Variants in SLC6A5 observed in about 807,000 individuals in gnomAD.
SLC6A5 encodes the protein sodium- and chloride-dependent glycine transporter 2.
A neutral mutation model predicts 90.5 loss-of-function variants in SLC6A5; 58 were observed. The ratio of observed to expected loss-of-function variants is 0.64; its 90% CI spans 0.52 to 0.80. SLC6A5 has a LOEUF of 0.80. Among genes scored for constraint, SLC6A5 ranks in the 30% least tolerant of loss-of-function variants. The probability of loss-of-function intolerance (pLI) is 0.00; values close to 1 mark genes in which losing one functional copy is unlikely to be tolerated. For missense variants in SLC6A5, 1,015 were observed against 1,017.6 expected (o/e 1.00, Z 0.03); for synonymous variants, 427 against 401.4 (o/e 1.06, Z -0.76).
At chr11:20,627,417 C>A (rs1853018320) in intron 8 of SLC6A5, among the ~76,000 whole-genome samples, 1 of 152,108 alleles carries the variant, frequency 6.6e-6, no homozygotes, top group Non-Finnish European at 1.5e-5. Flanking sequence ...GAAAACTCTG[C>A]TTTTCCAGGA....
At chr11:20,632,656 C>G (rs1341163434) in intron 10 of SLC6A5, among the ~76,000 whole-genome samples, 1 of 152,134 alleles carries the variant, frequency 6.6e-6, no homozygotes, top group East Asian at 1.9e-4. Context: ...TCATCTGAAC[C>G]TGGATGTATT....
rs1171406899 is a variant in SLC6A5, at chr11:20,601,028, T to C, written c.4-101T>C. The stretch of plus-strand genomic sequence containing the variant: ...AGATTCCAATTTGCTTCCCCAGATA[T>C]TGTGTCTGGACCTGAGTTGCGAACG... On this transcript the variant is annotated intron_variant, in intron 1 of 15. Transcript: ENST00000525748. 7 of 1,180,168 alleles carry C rather than the reference T, an allele frequency of 5.9e-6. No individual in the cohort carries two copies. In the African/African-American group the frequency reaches 6.3e-5, roughly 11 times the overall value. 73.1% of individuals were successfully genotyped at this position (1,180,168 alleles called of 1,614,324 possible). A position where few individuals can be genotyped will look rare whatever the true frequency, so the allele number is the denominator to read the frequency against.
intron 13 of SLC6A5, among the ~76,000 whole-genome samples, chr11:20,639,257 A>G (rs1245103710): frequency 1.3e-5 from 2 of 152,072 alleles, no homozygotes; most frequent in South Asian, 2.1e-4. Flanking sequence ...GGTGAGTTCA[A>G]GAAAGTCCTA....
At chr11:20,634,981 C>A (rs1172112088) in intron 10 of SLC6A5, among the ~76,000 whole-genome samples, 3 of 152,116 alleles carry the variant, frequency 2.0e-5, no homozygotes, top group Non-Finnish European at 2.9e-5. Context: ...TTACAGTAAT[C>A]TTCCCAGTGA....
rs1206538974 is a variant in SLC6A5, at chr11:20,655,484, C to T, written c.*616C>T. On this transcript the variant is annotated 3_prime_UTR_variant, in exon 16 of 16. Coordinates refer to ENST00000525748, the MANE Select transcript of SLC6A5 (RefSeq NM_004211.5). ...TTGGATCAGCAATCTCCAGTTACCA[C>T]TAACTCAGATGCTACAGTCTACACA... The T allele has an allele frequency of 6.3e-6, 1 of 158,166 alleles. No individual in the cohort carries two copies. Among genetic ancestry groups the T allele is most frequent in the Non-Finnish European group, 1.4e-5 (1 of 71,008 alleles). 9.8% of individuals were successfully genotyped at this position (158,166 alleles called of 1,614,324 possible).
chr11:20,607,095 C>A lies in SLC6A5; in HGVS notation c.768C>A (p.Ser256Arg). The change falls in exon 4 of 16, where the codon AGC (serine) becomes AGA (arginine). Residue 256 changes from serine (S) to arginine (R), a missense_variant. Coordinates refer to ENST00000525748, the MANE Select transcript of SLC6A5 (RefSeq NM_004211.5). ...AGGTGTCGCTGGGCCAGTTTGCCAGCCAGGGACCAGTGTCTGTGTGGAAGG... is the reference window on the plus strand; with the variant it reads ...AGGTGTCGCTGGGCCAGTTTGCCAGACAGGGACCAGTGTCTGTGTGGAAGG... ...FLEVSLGQFA[S>R]QGPVSVWKAI... 5 of 1,614,126 alleles carry A rather than the reference C, an allele frequency of 3.1e-6. No homozygotes were observed. Among genetic ancestry groups the A allele is most frequent in the South Asian group, 1.1e-5 (1 of 91,086 alleles).
intron 15 of SLC6A5, among the ~76,000 whole-genome samples, chr11:20,653,250 T>G (rs919440912): frequency 1.3e-5 from 2 of 152,204 alleles, no homozygotes; most frequent in Admixed American, 1.3e-4. Flanking sequence ...GGTTTGCTCC[T>G]GAGACCAGCA....
At chr11:20,633,811 G>C (rs186726534) in intron 10 of SLC6A5, among the ~76,000 whole-genome samples, 366 of 152,284 alleles carry the variant, frequency 2.4e-3, no homozygotes, top group Non-Finnish European at 4.4e-3. Context: ...AGAAACTAAA[G>C]TTTGTCTAGA....
At chr11:20,629,954 C>T (rs898612131) in intron 9 of SLC6A5, among the ~76,000 whole-genome samples, 1 of 152,100 alleles carries the variant, frequency 6.6e-6, no homozygotes, top group African/African-American at 2.4e-5. Flanking sequence ...AACTCCTGAC[C>T]TCAGGTGATC....
At chr11:20,645,512 T>G (rs1395541264) in intron 13 of SLC6A5, among the ~76,000 whole-genome samples, 1 of 151,880 alleles carries the variant, frequency 6.6e-6, no homozygotes, top group Non-Finnish European at 1.5e-5. Context: ...GACCAAGGTC[T>G]AGAAAGAAGG....
intron 14 of SLC6A5, among the ~76,000 whole-genome samples, chr11:20,649,366 CAA>C (rs1053014096): frequency 2.0e-5 from 3 of 152,132 alleles, no homozygotes; most frequent in Admixed American, 1.3e-4. Context: ...GCTGCCATCA[CAA>C]AAAGGTCAGG....
chr11:20,650,099 C>A (rs1396703102), intron 14 of SLC6A5, among the ~76,000 whole-genome samples: 1 of 152,020 alleles, frequency 6.6e-6, no homozygotes, highest in African/African-American at 2.4e-5. Flanking sequence ...TCTTTCCTGG[C>A]AAAATTCCTT....
At chr11:20,633,514 C>T (rs750354138) in intron 10 of SLC6A5, among the ~76,000 whole-genome samples, 5 of 152,160 alleles carry the variant, frequency 3.3e-5, no homozygotes, top group Non-Finnish European at 7.4e-5. Context: ...CCAAGCTGTG[C>T]CATGGGCCTT....
chr11:20,637,021 G>T, intron 11 of SLC6A5, 151 bp from the exon 12 acceptor site: 2 of 783,848 alleles, frequency 2.6e-6, no homozygotes, highest in Non-Finnish European at 4.4e-6. Flanking sequence ...TGGACCCCAA[G>T]GAGGCTTTTT....
intron 10 of SLC6A5, among the ~76,000 whole-genome samples, chr11:20,632,395 C>G (rs1274917592): frequency 2.0e-5 from 3 of 152,114 alleles, no homozygotes; most frequent in Non-Finnish European, 4.4e-5. Flanking sequence ...GGAGATATTG[C>G]AAAAACTCAA....
intron 13 of SLC6A5, among the ~76,000 whole-genome samples, chr11:20,639,340 T>G (rs1853270288): frequency 6.6e-6 from 1 of 152,078 alleles, no homozygotes; most frequent in South Asian, 2.1e-4. Context: ...CTCACTAATA[T>G]ATATATAAGG....
chr11:20,600,419 CA>C (rs1852447186), intron 1 of SLC6A5, among the ~76,000 whole-genome samples: 1 of 144,056 alleles, frequency 6.9e-6, no homozygotes, highest in Admixed American at 6.8e-5. Flanking sequence ...AAGACCTAAA[CA>C]AAAGAACAAA....
At chr11:20,636,813 C>T (rs994464943) in intron 11 of SLC6A5, among the ~76,000 whole-genome samples, 6 of 152,006 alleles carry the variant, frequency 3.9e-5, no homozygotes, top group African/African-American at 1.4e-4. Flanking sequence ...AGAGTTTAGT[C>T]CTTGGGTGCA....
chr11:20,618,777 A>C lies in SLC6A5; in HGVS notation c.1260+893A>C, dbSNP rs4923479. ...CATGGTGAAACCCCGTCTCTATGAA[A>C]AATACAAAAATTAGCTGGGCATGGT... On this transcript the variant is annotated intron_variant, in intron 7 of 15. Transcript: ENST00000525748. 0.03 allele frequency among the ~76,000 whole-genome samples: 4,603 copies of C among 152,130 alleles called. 451 individuals are homozygous for C. In the East Asian group the frequency reaches 0.36, roughly 12 times the overall value.
Sources: gnomAD v4.1 joint callset for allele counts (sites outside exome capture counted in the v4.1 genomes callset) on GRCh38, gnomAD v4.1.1 for gene constraint, MANE v1.5 for transcripts, NCBI Gene and HGNC (gene_info 2026-07-23, HGNC 2026-07-21) for gene names.